ABLIM3: variants seen among roughly 807,000 people sequenced by gnomAD.
ABLIM3 encodes the protein actin binding LIM protein family member 3, also known as actin-binding LIM protein 3.
In ABLIM3, 61 loss-of-function variants were observed where a neutral mutation model predicts 109.5. The ratio of observed to expected loss-of-function variants is 0.56; its 90% CI spans 0.45 to 0.69. The LOEUF is 0.69. Among genes scored for constraint, ABLIM3 ranks in the 30% least tolerant of loss-of-function variants. The pLI, the probability that ABLIM3 is intolerant of heterozygous loss-of-function variation, is 0.00. For missense variants in ABLIM3, 796 were observed against 889.5 expected (o/e 0.89, Z 1.34); for synonymous variants, 300 against 324.8 (o/e 0.92, Z 0.82).
In ABLIM3 at chr5:149,198,570, C is replaced by A. The variant is rs1758202113; in HGVS notation, c.335+168C>A. On this transcript the variant is annotated intron_variant, in intron 4 of 23. Transcript: ENST00000309868. The surrounding 1 kb of genome is among the most constrained non-coding windows in gnomAD (Gnocchi z 4.2). ...CTGATGGGCCAGTGGTTTTCAAACA[C>A]TGTAGCATCTGAATCTTTCTTATAA... Among the ~76,000 whole-genome samples, 1 of 152,230 alleles carries A rather than the reference C, an allele frequency of 6.6e-6. No individual in the cohort carries two copies. Among genetic ancestry groups the A allele is most frequent in the South Asian group, 2.1e-4 (1 of 4,834 alleles).
intron 2 of ABLIM3, among the ~76,000 whole-genome samples, chr5:149,180,815 A>G (rs1756394795): frequency 6.6e-6 from 1 of 152,210 alleles, no homozygotes; most frequent in Admixed American, 6.5e-5. Context: ...CTGCAGCCCC[A>G]GAAAATTTTA....
intron 5 of ABLIM3, among the ~76,000 whole-genome samples, chr5:149,201,157 C>T (rs1295144870): frequency 6.6e-6 from 1 of 151,956 alleles, no homozygotes; most frequent in Non-Finnish European, 1.5e-5. Flanking sequence ...GTGGGATGTC[C>T]ATCCCACTCA....
chr5:149,188,443 C>G (rs1466875482), intron 3 of ABLIM3, among the ~76,000 whole-genome samples: 1 of 152,130 alleles, frequency 6.6e-6, no homozygotes, highest in Non-Finnish European at 1.5e-5. Flanking sequence ...ATGAATTTAA[C>G]AAAAGAAGTT....
intron 3 of ABLIM3, among the ~76,000 whole-genome samples, chr5:149,188,375 T>A (rs1757171939): frequency 6.6e-6 from 1 of 152,212 alleles, no homozygotes; most frequent in South Asian, 2.1e-4. Flanking sequence ...ATAAACAATC[T>A]GAAAATAAAA....
chr5:149,211,118 G>A (rs572187041), intron 7 of ABLIM3, among the ~76,000 whole-genome samples: 8 of 152,036 alleles, frequency 5.3e-5, no homozygotes, highest in Non-Finnish European at 1.2e-4. Context: ...TTTCCTCCCA[G>A]CCCTGCCGGA....
intron 2 of ABLIM3, among the ~76,000 whole-genome samples, chr5:149,147,917 T>C (rs1252630057): frequency 6.6e-6 from 1 of 152,068 alleles, no homozygotes; most frequent in African/African-American, 2.4e-5. Context: ...ATCATGTCAG[T>C]GATGGGTGGT....
intron 15 of ABLIM3, among the ~76,000 whole-genome samples, chr5:149,243,013 G>A (rs1040541823): frequency 6.6e-6 from 1 of 152,216 alleles, no homozygotes; most frequent in Non-Finnish European, 1.5e-5. Context: ...GCTGTAAGTT[G>A]TTCTCAGTCA....
Position 149,241,498 on chromosome 5 carries a change from C to A in ABLIM3, c.1303+724C>A, listed in dbSNP as rs143163356. Among the ~76,000 whole-genome samples the A allele has an allele frequency of 1.1e-3, 162 of 152,304 alleles. 3 individuals carry two copies. In the East Asian group the frequency reaches 0.027, roughly 26 times the overall value. On this transcript the variant is annotated intron_variant, in intron 14 of 23. Coordinates refer to ENST00000309868, the MANE Select transcript of ABLIM3 (RefSeq NM_014945.5). ...AGAAGGGGCCTGGCGTGGTCGCTCA[C>A]GCCTGTAATCCCAGCACTTTGGGAG...
chr5:149,210,649 G>A (rs1246030124), intron 6 of ABLIM3, 77 bp from the exon 7 acceptor site: 8 of 1,257,454 alleles, frequency 6.4e-6, no homozygotes, highest in African/African-American at 5.9e-5. Flanking sequence ...TAGGCTGCAG[G>A]TCCAGAATCT....
chr5:149,141,551 C>T lies in ABLIM3; in HGVS notation c.-191C>T, dbSNP rs1016909970. 1 of 153,656 alleles carries T rather than the reference C, an allele frequency of 6.5e-6. No individual in the cohort carries two copies. The highest frequency in any genetic ancestry group is 2.4e-5 in the African/African-American group (1 of 41,468). 9.5% of individuals were successfully genotyped at this position (153,656 alleles called of 1,614,324 possible). A position where few individuals can be genotyped will look rare whatever the true frequency, so the allele number is the denominator to read the frequency against. ...ATGGATGTCGAGCTCCCCTATTTCG[C>T]ATTGCTAGCCCTGGAATTCGAGACC... On this transcript the variant is annotated 5_prime_UTR_variant, in exon 1 of 24. Transcript: ENST00000309868.
intron 6 of ABLIM3, among the ~76,000 whole-genome samples, chr5:149,208,791 A>C (rs1759265731): frequency 6.6e-6 from 1 of 152,224 alleles, no homozygotes; most frequent in African/African-American, 2.4e-5. Flanking sequence ...ATGCTGGCCA[A>C]ACAACACCTG....
intron 18 of ABLIM3, among the ~76,000 whole-genome samples, 182 bp from the exon 19 acceptor site, chr5:149,249,633 G>A (rs1427842567): frequency 6.6e-6 from 1 of 152,204 alleles, no homozygotes; most frequent in Non-Finnish European, 1.5e-5. Flanking sequence ...ACAGGGAAGG[G>A]AGATGGGGTG....
intron 6 of ABLIM3, among the ~76,000 whole-genome samples, chr5:149,209,531 C>T (rs1242867895): frequency 1.3e-5 from 2 of 152,182 alleles, no homozygotes; most frequent in East Asian, 3.8e-4. Context: ...CTCATTTTAC[C>T]ATCCTCTTTT....
intron 3 of ABLIM3, among the ~76,000 whole-genome samples, chr5:149,193,964 C>A (rs1757729967): frequency 1.3e-5 from 2 of 152,056 alleles, no homozygotes; most frequent in Non-Finnish European, 1.5e-5. Flanking sequence ...AAAGGCAGCT[C>A]AATAAAATTT....
In ABLIM3 at chr5:149,207,006, A is replaced by G; in HGVS notation, c.449-2A>G. The G allele has an allele frequency of 6.2e-7, 1 of 1,613,678 alleles. No individual in the cohort carries two copies. ...GCTCAGCAGTGTCCTCTTGTCTTGC[A>G]GACTGTGCCGGGTGCAAGGAGGAGA... On this transcript the variant is annotated splice_acceptor_variant, in intron 5 of 23. Coordinates refer to ENST00000309868, the MANE Select transcript of ABLIM3 (RefSeq NM_014945.5). LOFTEE classifies it high-confidence loss of function.
intron 11 of ABLIM3, 127 bp downstream of exon 11, chr5:149,237,730 A>C: frequency 8.3e-7 from 1 of 1,211,276 alleles, no homozygotes. Flanking sequence ...CTACACTGGG[A>C]TTTATGGCCA....
chr5:149,253,324 G>C (rs1428466420), intron 23 of ABLIM3, among the ~76,000 whole-genome samples: 1 of 152,192 alleles, frequency 6.6e-6, no homozygotes, highest in Non-Finnish European at 1.5e-5. Flanking sequence ...AGTAAGTCTT[G>C]AGTCAAACTC....
chr5:149,171,803 T>A (rs1317281319), intron 2 of ABLIM3, among the ~76,000 whole-genome samples: 1 of 152,212 alleles, frequency 6.6e-6, no homozygotes, highest in Non-Finnish European at 1.5e-5. Flanking sequence ...ATCCATGCCT[T>A]CCCAATCTCA....
chr5:149,154,933 G>C (rs2127438700), intron 2 of ABLIM3, among the ~76,000 whole-genome samples: 1 of 152,320 alleles, frequency 6.6e-6, no homozygotes, highest in African/African-American at 2.4e-5. Flanking sequence ...ATTTTACAAA[G>C]AAGGAAATTG....
Sources: gnomAD v4.1 joint callset for allele counts (sites outside exome capture counted in the v4.1 genomes callset) on GRCh38, gnomAD v4.1.1 for gene constraint, Gnocchi (gnomAD v3.1) non-coding constraint, MANE v1.5 for transcripts, NCBI Gene and HGNC (gene_info 2026-07-23, HGNC 2026-07-21) for gene names.